Variants in SLC39A6 observed in about 807,000 individuals in gnomAD.
SLC39A6 encodes the protein zinc transporter ZIP6.
Under a neutral mutation model 63.5 loss-of-function variants are expected in SLC39A6, and 51 were observed. The observed-to-expected ratio is 0.80, with a 90% confidence interval of 0.64 to 1.01. The LOEUF (loss-of-function observed/expected upper bound fraction) is 1.01, where lower values mean the gene tolerates loss of function less well. Among genes scored for constraint, SLC39A6 ranks in the 50% least tolerant of loss-of-function variants. The probability of loss-of-function intolerance (pLI) is 0.00; values close to 1 mark genes in which losing one functional copy is unlikely to be tolerated. For synonymous variants in SLC39A6, 318 were observed against 324.7 expected, an observed-to-expected ratio of 0.98 and a Z score of 0.22; for missense variants, 805 against 927.8, an observed-to-expected ratio of 0.87 and a Z score of 1.72.
At chr18:36,115,506 A>T (rs114886376) in intron 6 of SLC39A6, among the ~76,000 whole-genome samples, 1,626 of 151,398 alleles carry the variant, frequency 0.011, 42 homozygotes, top group African/African-American at 0.037. Context: ...ATATATCAAA[A>T]CAGTGTGGTC....
intron 4 of SLC39A6, among the ~76,000 whole-genome samples, chr18:36,122,854 G>A (rs1296881607): frequency 6.6e-6 from 1 of 152,196 alleles, no homozygotes; most frequent in African/African-American, 2.4e-5. Context: ...TCTGCCATCT[G>A]GTGGTCCGAG....
At chr18:36,112,438 A>G (rs1364999766) in intron 8 of SLC39A6, 63 bp downstream of exon 8, 1 of 1,240,536 alleles carries the variant, frequency 8.1e-7, no homozygotes, top group Non-Finnish European at 1.2e-6. Flanking sequence ...TACCATTAGC[A>G]AAAGCCAGTG....
At chr18:36,127,557 C>T (rs1185846039) in intron 1 of SLC39A6, among the ~76,000 whole-genome samples, 1 of 151,730 alleles carries the variant, frequency 6.6e-6, no homozygotes, top group Non-Finnish European at 1.5e-5. Context: ...TCATCACCAT[C>T]ATTTCATAAA....
chr18:36,126,739 A>G lies in SLC39A6; in HGVS notation c.269T>C (p.Ile90Thr), dbSNP rs764971152. ...ATGGTCGTGGTCATGGTGTATATGGATTCTTTTAATCTTATCTATGCCTAT... is the reference window on the plus strand; with the variant it reads ...ATGGTCGTGGTCATGGTGTATATGGGTTCTTTTAATCTTATCTATGCCTAT... ...QNIGIDKIKR[I>T]HIHHDHDHHS... The change falls in exon 2 of 10, where the codon ATC becomes ACC. Residue 90 changes from isoleucine (I) to threonine (T), a missense_variant. Around this residue, in one of 4 missense-constraint regions of SLC39A6, gnomAD observed 639 missense variants for 644.0 expected, o/e 0.99. Transcript: ENST00000269187. 8 of 1,614,130 alleles carry G rather than the reference A, an allele frequency of 5.0e-6. No individual in the cohort carries two copies. The highest frequency in any genetic ancestry group is 5.9e-6 in the Non-Finnish European group (7 of 1,180,014).
chr18:36,115,775 T>C (rs528295750), intron 6 of SLC39A6, among the ~76,000 whole-genome samples: 1 of 152,264 alleles, frequency 6.6e-6, no homozygotes, highest in African/African-American at 2.4e-5. Context: ...TTGAAGATCA[T>C]GGCAAGGAGC....
In SLC39A6 at chr18:36,122,139, A is replaced by T; in HGVS notation, c.1272T>A (p.Gly424=). 1.9e-6 allele frequency: 3 copies of T among 1,613,976 alleles called. No individual in the cohort carries two copies. The highest frequency in any genetic ancestry group is 2.5e-6 in the Non-Finnish European group (3 of 1,179,900). The part of the protein sequence containing the change: ...ESAYFDSTWK[G]LTALGGLYFM... ...AATACAGGCCTCCTAGAGCTGTTAG[A>T]CCCTTCCACGTGGAATCAAAATAGG... The change falls in exon 5 of 10, where the codon GGT becomes GGA. Residue 424 remains glycine (G), a synonymous_variant. Coordinates refer to ENST00000269187, the MANE Select transcript of SLC39A6 (RefSeq NM_012319.4).
intron 5 of SLC39A6, among the ~76,000 whole-genome samples, chr18:36,117,265 G>T (rs1362579347): frequency 6.6e-6 from 1 of 152,096 alleles, no homozygotes; most frequent in Admixed American, 6.6e-5. Flanking sequence ...CCAGCTAGGG[G>T]CATTTCCTTC....
chr18:36,119,542 T>C (rs1382913357), intron 5 of SLC39A6, among the ~76,000 whole-genome samples: 1 of 152,120 alleles, frequency 6.6e-6, no homozygotes, highest in Non-Finnish European at 1.5e-5. Context: ...TAATGTAAAA[T>C]AGTAATATAT....
intron 7 of SLC39A6, among the ~76,000 whole-genome samples, chr18:36,112,977 A>G (rs1222336360): frequency 6.6e-6 from 1 of 152,242 alleles, no homozygotes; most frequent in East Asian, 1.9e-4. Context: ...CTATGTAACT[A>G]GATGTTTACA....
At chr18:36,112,627 T>C in intron 7 of SLC39A6, 46 bp from the exon 8 acceptor site, 1 of 1,421,590 alleles carries the variant, frequency 7.0e-7, no homozygotes, top group Non-Finnish European at 9.9e-7. Context: ...TTAATTTGTG[T>C]TTTTTAATCT....
In SLC39A6 at chr18:36,121,881, T is replaced by C. The variant is rs890033388; in HGVS notation, c.1359+171A>G. Among the ~76,000 whole-genome samples, 5 of 152,186 alleles carry C rather than the reference T, an allele frequency of 3.3e-5. No individual in the cohort carries two copies. The South Asian group carries it at 8.3e-4, about 25-fold the overall frequency. On this transcript the variant is annotated intron_variant, in intron 5 of 9. Transcript: ENST00000269187. ...AGAAAACTTCAGAGCTATTAAGATA[T>C]AGAAATGCTCCTCATAAATATCTCT...
At chr18:36,110,007 G>GA (rs1433896986) in intron 9 of SLC39A6, among the ~76,000 whole-genome samples, 2 of 152,154 alleles carry the variant, frequency 1.3e-5, no homozygotes, top group African/African-American at 4.8e-5. Flanking sequence ...ACTGGAAAAT[G>GA]AAAAGCGATA....
intron 7 of SLC39A6, among the ~76,000 whole-genome samples, chr18:36,113,725 T>C (rs1353963768): frequency 1.3e-5 from 2 of 152,198 alleles, no homozygotes; most frequent in Non-Finnish European, 2.9e-5. Context: ...TAAAAGATGA[T>C]GGAAAATATA....
chr18:36,123,449 CA>C (rs745892436), intron 4 of SLC39A6, 45 bp downstream of exon 4: 4 of 1,457,870 alleles, frequency 2.7e-6, no homozygotes, highest in Non-Finnish European at 3.7e-6. Context: ...ATTTTTTTTT[CA>C]ATGTTGAATA....
intron 9 of SLC39A6, 178 bp downstream of exon 9, chr18:36,110,881 C>G: frequency 9.4e-7 from 1 of 1,060,986 alleles, no homozygotes; most frequent in Non-Finnish European, 1.3e-6. Context: ...GTCCTAGCTA[C>G]TCAGGAGGCT....
At position 36,111,253 on chromosome 18, in the gene SLC39A6, T is replaced by C; in HGVS notation, c.1925-4A>G. 1.2e-6 allele frequency: 2 copies of C among 1,610,950 alleles called. No individual in the cohort carries two copies. The highest frequency in any genetic ancestry group is 1.3e-5 in the African/African-American group (1 of 74,864). On this transcript the variant is annotated splice_polypyrimidine_tract_variant and splice_region_variant and intron_variant, in intron 8 of 9. Coordinates refer to ENST00000269187, the MANE Select transcript of SLC39A6 (RefSeq NM_012319.4). The stretch of plus-strand genomic sequence containing the variant: ...TTTAGTAGAACAGCAAAGTCACCTT[T>C]AACAGAAAACAAAAAAGGAGGAAAA...
intron 5 of SLC39A6, among the ~76,000 whole-genome samples, chr18:36,121,552 GT>G (rs140306730): frequency 7.2e-5 from 11 of 151,750 alleles, no homozygotes; most frequent in Admixed American, 7.2e-4. Context: ...ACTCAAAAGG[GT>G]TTTTTTTGGC....
chr18:36,125,841 T>G (rs574579126), intron 2 of SLC39A6, among the ~76,000 whole-genome samples: 1 of 152,358 alleles, frequency 6.6e-6, no homozygotes, highest in South Asian at 2.1e-4. Flanking sequence ...CAGTCACACC[T>G]TTCCCTACAA....
In SLC39A6 at chr18:36,112,106, G is replaced by A. The variant is rs542135391; in HGVS notation, c.1924+395C>T. ...AAGGAATGGCTGAACATATAACAAG[G>A]AACAAAAGTGAAAATGGCATCAGCG... On this transcript the variant is annotated intron_variant, in intron 8 of 9. Transcript: ENST00000269187. Among the ~76,000 whole-genome samples, 6 of 152,294 alleles carry A rather than the reference G, an allele frequency of 3.9e-5. No homozygotes were observed. In the South Asian group the frequency reaches 1.0e-3, roughly 26 times the overall value.
Sources: allele counts gnomAD v4.1 joint callset (sites outside exome capture counted in the v4.1 genomes callset), GRCh38; gene constraint gnomAD v4.1.1; regional missense constraint gnomAD v4.1.1; transcripts MANE v1.5; gene names NCBI Gene and HGNC (gene_info 2026-07-23, HGNC 2026-07-21).